The following PRKAA1 variants were observed in gnomAD, a reference collection of about 807,000 sequenced individuals.
PRKAA1 encodes the protein protein kinase AMP-activated catalytic subunit alpha 1.
In PRKAA1, 23 loss-of-function variants were observed where a neutral mutation model predicts 56.9. That is an observed-to-expected ratio of 0.40 (90% CI 0.29 to 0.57). The LOEUF is 0.57. Among genes scored for constraint, PRKAA1 ranks in the 20% least tolerant of loss-of-function variants. The pLI is 0.39. For missense variants in PRKAA1, 413 were observed against 679.7 expected (o/e 0.61, Z 4.36); for synonymous variants, 226 against 227.0 (o/e 1.00, Z 0.04).
rs1175875431 is a variant in PRKAA1 at position 40,761,437 on chromosome 5, C to A, written c.*1341G>T. On this transcript the variant is annotated 3_prime_UTR_variant, in exon 9 of 9. Coordinates refer to ENST00000397128, the MANE Select transcript of PRKAA1 (RefSeq NM_006251.6). The stretch of plus-strand genomic sequence containing the variant: ...AAAAAAGCATATATACATACACAAA[C>A]AAACACATATATGCATATATATGCA... 6.6e-6 allele frequency: 1 copy of A among 152,094 alleles called. No homozygotes were observed. Among genetic ancestry groups the A allele is most frequent in the Admixed American group, 6.6e-5 (1 of 15,260 alleles). 9.4% of individuals were successfully genotyped at this position (152,094 alleles called of 1,614,324 possible).
intron 1 of PRKAA1, among the ~76,000 whole-genome samples, chr5:40,795,873 G>C (rs1158298663): frequency 1.3e-5 from 2 of 152,232 alleles, no homozygotes; most frequent in Non-Finnish European, 2.9e-5. Context: ...TACTCCAAGA[G>C]AAGTTAGTGT....
At chr5:40,778,818 A>C (rs1579738221) in intron 1 of PRKAA1, among the ~76,000 whole-genome samples, 1 of 112,122 alleles carries the variant, frequency 8.9e-6, no homozygotes, top group Non-Finnish European at 1.7e-5. Flanking sequence ...ACAGGGTGTC[A>C]CTCTATCACC....
intron 1 of PRKAA1, among the ~76,000 whole-genome samples, chr5:40,786,936 C>A (rs1282050512): frequency 6.6e-6 from 1 of 151,602 alleles, no homozygotes; most frequent in Admixed American, 6.6e-5. Context: ...CTGGCCTAGG[C>A]AACAAAGTGA....
At chr5:40,768,945 G>A (rs1038206705) in intron 5 of PRKAA1, 2 of 1,493,708 alleles carry the variant, frequency 1.3e-6, no homozygotes, top group East Asian at 2.3e-5. Flanking sequence ...TCTCTAAAAG[G>A]TTTAAAGAAC....
At position 40,767,555 on chromosome 5, in the gene PRKAA1, G is replaced by T. The variant is rs1474340759; in HGVS notation, c.732C>A (p.Thr244=). The T allele has an allele frequency of 6.8e-6, 11 of 1,612,850 alleles. No homozygotes were observed. Among genetic ancestry groups the T allele is most frequent in the Non-Finnish European group, 9.3e-6 (11 of 1,179,452 alleles). ...TCACAGAAGGATTTAAATATTGAGG[G>T]GTATAGAAGATCCCATCACATATCT... ...FKKICDGIFY[T]PQYLNPSVIS... Residue 244 remains threonine (T), a synonymous_variant, in exon 6 of 9, where the codon ACC becomes ACA. Coordinates refer to ENST00000397128, the MANE Select transcript of PRKAA1 (RefSeq NM_006251.6).
chr5:40,798,020 G>C, intron 1 of PRKAA1, 43 bp downstream of exon 1: 1 of 1,596,134 alleles, frequency 6.3e-7, no homozygotes, highest in Middle Eastern at 1.8e-4. Flanking sequence ...GAAGTCGTGC[G>C]GCTCCTCAGC....
At position 40,771,587 on chromosome 5, in the gene PRKAA1, C is replaced by A; in HGVS notation, c.508+132G>T. 7 of 853,958 alleles carry A rather than the reference C, an allele frequency of 8.2e-6. No individual in the cohort carries two copies. The South Asian group carries it at 1.4e-4, about 18-fold the overall frequency. The allele number at this position is 853,958 out of a possible 1,614,324, so 52.9% of individuals were successfully genotyped here. ...TCTTTTTGTATCTTCATAGACAAAA[C>A]AGAATACTTTGATATACTCAGTCTA... is the stretch of plus-strand genomic sequence containing the variant. On this transcript the variant is annotated intron_variant, in intron 4 of 8. Transcript: ENST00000397128.
intron 4 of PRKAA1, among the ~76,000 whole-genome samples, 162 bp from the exon 5 acceptor site, chr5:40,769,665 A>C (rs1743628805): frequency 6.6e-6 from 1 of 152,154 alleles, no homozygotes; most frequent in South Asian, 2.1e-4. Context: ...TTCTGCCATT[A>C]TGCCCTAAAA....
chr5:40,787,845 A>G (rs758538706), intron 1 of PRKAA1, among the ~76,000 whole-genome samples: 15 of 152,346 alleles, frequency 9.8e-5, no homozygotes, highest in Non-Finnish European at 7.4e-5. Context: ...CTTACCTATC[A>G]ATAATTACTT....
intron 6 of PRKAA1, 46 bp downstream of exon 6, chr5:40,767,420 A>G: frequency 6.7e-7 from 1 of 1,491,014 alleles, no homozygotes; most frequent in Non-Finnish European, 9.2e-7. Context: ...CATAACTTTT[A>G]TCATGGATAC....
intron 1 of PRKAA1, among the ~76,000 whole-genome samples, chr5:40,794,752 G>A (rs993407935): frequency 7.9e-6 from 1 of 126,026 alleles, no homozygotes; most frequent in African/African-American, 2.7e-5. Context: ...GGTGAACAGG[G>A]AACACTTCTA....
chr5:40,795,568 G>A (rs968186746), intron 1 of PRKAA1, among the ~76,000 whole-genome samples: 2 of 152,106 alleles, frequency 1.3e-5, no homozygotes, highest in African/African-American at 4.8e-5. Flanking sequence ...TAGCCAGAGG[G>A]ACTGGATGAG....
chr5:40,770,595 C>CT (rs750590564), intron 4 of PRKAA1, among the ~76,000 whole-genome samples: 13,271 of 111,946 alleles, frequency 0.12, 1,353 homozygotes, highest in Non-Finnish European at 0.18. Context: ...AAAATAAATT[C>CT]TTTTTTTTTT....
intron 8 of PRKAA1, among the ~76,000 whole-genome samples, chr5:40,763,319 T>C: frequency 6.6e-6 from 1 of 152,208 alleles, no homozygotes; most frequent in East Asian, 1.9e-4. Context: ...AATATTATTC[T>C]ATAGCAATAA....
Position 40,786,956 on chromosome 5 carries a change from TCAAA to T in PRKAA1, c.128-9374_128-9371del, listed in dbSNP as rs375703545. Among the ~76,000 whole-genome samples, 683 of 151,754 alleles carry T rather than the reference TCAAA, an allele frequency of 4.5e-3. 7 individuals are homozygous for T. The highest frequency in any genetic ancestry group is 0.016 in the African/African-American group (644 of 41,370). The stretch of plus-strand genomic sequence containing the variant: ...CTAGGCAACAAAGTGAGACTTTGTC[TCAAA>T]CAAACAAAAAGAAACAGAAAAAGAA... On this transcript the variant is annotated intron_variant, in intron 1 of 8. Coordinates refer to ENST00000397128, the MANE Select transcript of PRKAA1 (RefSeq NM_006251.6).
intron 1 of PRKAA1, among the ~76,000 whole-genome samples, chr5:40,783,252 G>C (rs550397377): frequency 2.0e-5 from 3 of 152,210 alleles, no homozygotes; most frequent in African/African-American, 7.2e-5. Context: ...TCAGAGAACA[G>C]TTTAATACAT....
intron 6 of PRKAA1, among the ~76,000 whole-genome samples, chr5:40,766,608 A>G (rs1046143791): frequency 4.6e-5 from 7 of 152,212 alleles, no homozygotes; most frequent in African/African-American, 1.7e-4. Flanking sequence ...AAACATGTCA[A>G]TTAAATCTCA....
At chr5:40,779,855 G>T (rs546744996) in intron 1 of PRKAA1, among the ~76,000 whole-genome samples, 1 of 152,180 alleles carries the variant, frequency 6.6e-6, no homozygotes, top group South Asian at 2.1e-4. Flanking sequence ...TACACATTAC[G>T]TCACATTGTG....
At chr5:40,771,587 CAG>C (rs1275107791) in intron 4 of PRKAA1, 130 bp downstream of exon 4, 1 of 853,840 alleles carries the variant, frequency 1.2e-6, no homozygotes, top group African/African-American at 1.8e-5. Context: ...ATAGACAAAA[CAG>C]AATACTTTGA....
Sources: allele counts gnomAD v4.1 joint callset (sites outside exome capture counted in the v4.1 genomes callset), GRCh38; gene constraint gnomAD v4.1.1; transcripts MANE v1.5; gene names NCBI Gene and HGNC (gene_info 2026-07-23, HGNC 2026-07-21).